The following KCNMA1 variants were observed in gnomAD, a reference collection of about 807,000 sequenced individuals.
KCNMA1 encodes the protein Calcium-activated potassium channel subunit alpha-1.
Under a neutral mutation model 140.0 loss-of-function variants are expected in KCNMA1, and 29 were observed. The observed-to-expected ratio is 0.21, with a 90% CI of 0.15 to 0.28. The LOEUF (loss-of-function observed/expected upper bound fraction) is 0.28, where lower values mean the gene tolerates loss of function less well. Among genes scored for constraint, KCNMA1 ranks in the 10% least tolerant of loss-of-function variants. KCNMA1 has a pLI of 1.00. For synonymous variants in KCNMA1, 612 were observed against 611.9 expected (o/e 1.00, Z 0.00); for missense variants, 880 against 1,602.2 (o/e 0.55, Z 7.70).
At chr10:77,264,611 A>G (rs1222651018) in intron 2 of KCNMA1, among the ~76,000 whole-genome samples, 1 of 152,092 alleles carries the variant, frequency 6.6e-6, no homozygotes, top group Non-Finnish European at 1.5e-5. Flanking sequence ...CACAGTTTTA[A>G]GAGCTTTGAC....
intron 3 of KCNMA1, among the ~76,000 whole-genome samples, chr10:77,226,277 A>G (rs1257742510): frequency 6.6e-6 from 1 of 152,086 alleles, no homozygotes; most frequent in Non-Finnish European, 1.5e-5. Context: ...ACATGAAAAC[A>G]ATGTAATAAT....
chr10:77,568,505 G>A (rs1370222992), intron 1 of KCNMA1, among the ~76,000 whole-genome samples: 78 of 152,082 alleles, frequency 5.1e-4, no homozygotes, highest in African/African-American at 1.8e-3. Flanking sequence ...CTCAATAGAT[G>A]CAGAAAAGGC....
chr10:77,625,291 G>C (rs1191881366), intron 1 of KCNMA1, among the ~76,000 whole-genome samples: 1 of 152,124 alleles, frequency 6.6e-6, no homozygotes, highest in Non-Finnish European at 1.5e-5. Context: ...TGAGGCAGGA[G>C]AATGGCTTGA....
intron 19 of KCNMA1, chr10:76,995,731 A>G (rs2084090368): frequency 2.1e-6 from 1 of 468,486 alleles, no homozygotes; most frequent in East Asian, 7.0e-5. Context: ...AAAAAAGCAA[A>G]CATAATTTCT....
At chr10:77,122,122 C>A (rs12255161) in intron 5 of KCNMA1, among the ~76,000 whole-genome samples, 52,339 of 151,630 alleles carry the variant, frequency 0.35, 9,609 homozygotes, top group Middle Eastern at 0.44. Context: ...GCCTAGGGCA[C>A]AGTGGTGGGA....
rs528322771 is a variant in KCNMA1 at position 77,493,483 on chromosome 10, A to C, written c.379-89460T>G. Among the ~76,000 whole-genome samples, 8 of 152,378 alleles carry C rather than the reference A, an allele frequency of 5.3e-5. 1 individual carries two copies. The highest frequency in any genetic ancestry group is 1.9e-4 in the African/African-American group (8 of 41,588). Reference sequence around the variant, plus strand: ...GAGGCGTCAAGCGTGAGTTGGAGGCAGGATGGCAGTGAGAATGCACGCCCA... The same window carrying C: ...GAGGCGTCAAGCGTGAGTTGGAGGCCGGATGGCAGTGAGAATGCACGCCCA... On this transcript the variant is annotated intron_variant, in intron 1 of 27. Transcript: ENST00000286628.
intron 17 of KCNMA1, chr10:77,012,598 C>A: frequency 6.7e-7 from 1 of 1,487,704 alleles, no homozygotes; most frequent in Non-Finnish European, 9.2e-7. Context: ...TCAGTGGGTT[C>A]CTCTGTCAAA....
At chr10:77,135,366 A>G (rs1217346243) in intron 5 of KCNMA1, among the ~76,000 whole-genome samples, 1 of 152,222 alleles carries the variant, frequency 6.6e-6, no homozygotes, top group Non-Finnish European at 1.5e-5. Flanking sequence ...GATGTGGGAA[A>G]AAGGAACCCT....
At chr10:77,334,596 T>C (rs1230365606) in intron 2 of KCNMA1, among the ~76,000 whole-genome samples, 1 of 152,082 alleles carries the variant, frequency 6.6e-6, no homozygotes, top group Non-Finnish European at 1.5e-5. Flanking sequence ...ATTTTGAAAA[T>C]AGGTGTTTGG....
Position 77,079,543 on chromosome 10 carries a change from A to AGAT in KCNMA1, c.1528_1530dup (p.Ile510dup). 6.2e-7 allele frequency: 1 copy of AGAT among 1,604,238 alleles called. No homozygotes were observed. Among genetic ancestry groups the AGAT allele is most frequent in the Non-Finnish European group, 8.5e-7 (1 of 1,171,058 alleles). ...ATCTTCGGATGGTAGTTCTTTATGGAGATTACTCTGAAAAAGAAAGAACCA... is the reference window on the plus strand; with the variant it reads ...ATCTTCGGATGGTAGTTCTTTATGGAGATGATTACTCTGAAAAAGAAAGAACCA... On this transcript the variant is annotated inframe_insertion, in exon 13 of 28. Coordinates refer to ENST00000286628, the MANE Select transcript of KCNMA1 (RefSeq NM_001161352.2).
At chr10:76,953,030 G>A (rs1470317426) in intron 21 of KCNMA1, among the ~76,000 whole-genome samples, 1 of 152,234 alleles carries the variant, frequency 6.6e-6, no homozygotes, top group Non-Finnish European at 1.5e-5. Flanking sequence ...AGGGCAGAGA[G>A]TAGAATGGAT....
At chr10:77,107,434 C>A (rs561791833) in intron 9 of KCNMA1, among the ~76,000 whole-genome samples, 1 of 152,172 alleles carries the variant, frequency 6.6e-6, no homozygotes, top group Non-Finnish European at 1.5e-5. Flanking sequence ...GTAAGTTATA[C>A]CTCAAAACCA....
At chr10:77,294,904 G>A (rs1311235219) in intron 2 of KCNMA1, among the ~76,000 whole-genome samples, 3 of 150,716 alleles carry the variant, frequency 2.0e-5, no homozygotes, top group Admixed American at 6.6e-5. Flanking sequence ...GGACAACAGA[G>A]CAAGACTCTG....
chr10:77,226,998 GA>G (rs1334896479), intron 3 of KCNMA1, among the ~76,000 whole-genome samples: 3 of 152,156 alleles, frequency 2.0e-5, no homozygotes, highest in Admixed American at 1.3e-4. Context: ...AGCAATTAAG[GA>G]AAAGCTTATT....
chr10:77,583,777 C>A (rs2076478971), intron 1 of KCNMA1, among the ~76,000 whole-genome samples: 1 of 152,210 alleles, frequency 6.6e-6, no homozygotes, highest in African/African-American at 2.4e-5. Context: ...CAGGCCTAGC[C>A]TCAGTCCTGA....
chr10:77,452,934 A>C (rs930930299), intron 1 of KCNMA1, among the ~76,000 whole-genome samples: 1 of 152,216 alleles, frequency 6.6e-6, no homozygotes, highest in Non-Finnish European at 1.5e-5. Context: ...GCAGATGTGA[A>C]TTCAGACCCT....
intron 2 of KCNMA1, among the ~76,000 whole-genome samples, chr10:77,317,152 C>T (rs909480977): frequency 6.6e-6 from 1 of 152,184 alleles, no homozygotes; most frequent in African/African-American, 2.4e-5. Flanking sequence ...CAGGCCCCAG[C>T]AGGATAACTC....
chr10:77,362,446 T>C (rs931731251), intron 2 of KCNMA1, among the ~76,000 whole-genome samples: 1 of 149,266 alleles, frequency 6.7e-6, no homozygotes, highest in African/African-American at 2.5e-5. Context: ...CAAATCCAGG[T>C]TGTGTCACTT....
At chr10:77,352,575 T>C in intron 2 of KCNMA1, among the ~76,000 whole-genome samples, 1 of 152,164 alleles carries the variant, frequency 6.6e-6, no homozygotes, top group East Asian at 1.9e-4. Flanking sequence ...GTGGCTACCA[T>C]ATAAAACAGT....
Sources: gnomAD v4.1 joint callset for allele counts (sites outside exome capture counted in the v4.1 genomes callset) on GRCh38, gnomAD v4.1.1 for gene constraint, MANE v1.5 for transcripts, NCBI Gene and HGNC (gene_info 2026-07-23, HGNC 2026-07-21) for gene names.